P3H4: variants seen among roughly 807,000 people sequenced by gnomAD.
The protein encoded by P3H4 is prolyl 3-hydroxylase family member 4 (inactive).
A neutral mutation model predicts 52.9 loss-of-function variants in P3H4; 47 were observed. The ratio of observed to expected loss-of-function variants is 0.89; its 90% CI spans 0.70 to 1.13. The LOEUF (loss-of-function observed/expected upper bound fraction) is 1.13. Among genes scored for constraint, P3H4 ranks in the 50% most tolerant of loss-of-function variants. The pLI is 0.00. For missense variants in P3H4, 585 were observed against 611.0 expected, an observed-to-expected ratio of 0.96 and a Z score of 0.45; for synonymous variants, 256 against 267.9, an observed-to-expected ratio of 0.96 and a Z score of 0.44.
Position 41,811,514 on chromosome 17 carries a change from C to T in P3H4, c.402G>A (p.Gln134=). The T allele has an allele frequency of 2.5e-6, 4 of 1,611,834 alleles. No individual in the cohort carries two copies. The highest frequency in any genetic ancestry group is 3.4e-6 in the Non-Finnish European group (4 of 1,179,636). ...GGCGGCTCTGGAAGTCACGCAGCAG[C>T]TGCCGCGGCGGGTAGGGCACCTGGA... ...PAFQVPYPPR[Q]LLRDFQSRLP... The change falls in exon 1 of 8, where the codon CAG becomes CAA. Residue 134 remains glutamine, a synonymous_variant. Coordinates refer to ENST00000393928, the MANE Select transcript of P3H4 (RefSeq NM_006455.3). The surrounding 1 kb of genome is among the most constrained non-coding windows in gnomAD (Gnocchi z 4.8).
chr17:41,811,735 C>T lies in P3H4; in HGVS notation c.181G>A (p.Ala61Thr). 5 of 1,516,790 alleles carry T rather than the reference C, an allele frequency of 3.3e-6. No homozygotes were observed. Among genetic ancestry groups the T allele is most frequent in the Non-Finnish European group, 4.4e-6 (5 of 1,144,402 alleles). The allele number at this position is 1,516,790 out of a possible 1,614,324, so 94.0% of individuals were successfully genotyped here. A position where few individuals can be genotyped will look rare whatever the true frequency, so the allele number is the denominator to read the frequency against. Reference protein sequence around the residue: ...SWRESARYLEAALRLHRLLRD... With the variant: ...SWRESARYLETALRLHRLLRD... ...AGGAGCCGGTGCAGCCGCAGCGCCGCCTCCAGGTAGCGCGCGCTCTCGCGC... is the reference window on the plus strand; with the variant it reads ...AGGAGCCGGTGCAGCCGCAGCGCCGTCTCCAGGTAGCGCGCGCTCTCGCGC... The change falls in exon 1 of 8, where the codon GCG becomes ACG. Residue 61 changes from alanine to threonine, a missense_variant. Ala to Thr is a moderately conservative substitution (Grantham distance 58). Transcript: ENST00000393928. This position sits in a 1 kb window ranked among gnomAD's most constrained non-coding sequence, Gnocchi z 4.8.
chr17:41,803,203 T>C (rs2047636352), intron 7 of P3H4, 84 bp downstream of exon 7: 1 of 1,539,092 alleles, frequency 6.5e-7, no homozygotes, highest in Non-Finnish European at 8.8e-7. Context: ...CACCCTGGGC[T>C]CCGGAGCCCA....
chr17:41,809,602 C>A, intron 4 of P3H4, 104 bp downstream of exon 4: 1 of 1,381,460 alleles, frequency 7.2e-7, no homozygotes, highest in Non-Finnish European at 9.9e-7. Context: ...ACCCAGGGTC[C>A]TCAATACTGA....
rs1334706796 is a variant in P3H4 at position 41,802,820 on chromosome 17, G to A, written c.*137C>T. The A allele has an allele frequency of 3.4e-6, 3 of 881,314 alleles. No homozygotes were observed. The highest frequency in any genetic ancestry group is 5.3e-6 in the Non-Finnish European group (3 of 565,914). 54.6% of individuals were successfully genotyped at this position (881,314 alleles called of 1,614,324 possible). A position where few individuals can be genotyped will look rare whatever the true frequency, so the allele number is the denominator to read the frequency against. ...ACCCACCTTGGCCTCCCAAAATGCT[G>A]GGATTACAGGTGTGAGCCACCGCAC... On this transcript the variant is annotated 3_prime_UTR_variant, in exon 8 of 8. Transcript: ENST00000393928.
In P3H4 at chr17:41,810,783, C is replaced by T. The variant is rs1597898700; in HGVS notation, c.787+80G>A. On this transcript the variant is annotated intron_variant, in intron 3 of 7. Coordinates refer to ENST00000393928, the MANE Select transcript of P3H4 (RefSeq NM_006455.3). The stretch of plus-strand genomic sequence containing the variant: ...CTGGCTCCTCCGCATTCGCAGTGCT[C>T]CACGTGCATGAAGGGGACATCTGCC... 2.6e-6 allele frequency: 4 copies of T among 1,510,992 alleles called. No homozygotes were observed. The East Asian group carries it at 9.2e-5, about 35-fold the overall frequency. The allele number at this position is 1,510,992 out of a possible 1,614,324, so 93.6% of individuals were successfully genotyped here. A position where few individuals can be genotyped will look rare whatever the true frequency, so the allele number is the denominator to read the frequency against.
intron 6 of P3H4, 62 bp downstream of exon 6, chr17:41,806,734 C>T (rs2047677669): frequency 1.4e-6 from 2 of 1,413,310 alleles, no homozygotes; most frequent in Non-Finnish European, 2.0e-6. Flanking sequence ...CACTGGTGGC[C>T]CCAGGAAAAG....
Position 41,802,396 on chromosome 17 carries a change from C to T in P3H4, c.*561G>A, listed in dbSNP as rs2144006112. On this transcript the variant is annotated 3_prime_UTR_variant, in exon 8 of 8. Coordinates refer to ENST00000393928, the MANE Select transcript of P3H4 (RefSeq NM_006455.3). The stretch of plus-strand genomic sequence containing the variant: ...GGTTCAGGCGATTCTCCTGCCTCAG[C>T]TACGATTACAGGTGTGTGCCACCAT... 1 of 152,568 alleles carries T rather than the reference C, an allele frequency of 6.6e-6. No homozygotes were observed. The highest frequency in any genetic ancestry group is 3.3e-3 in the Middle Eastern group (1 of 300). 9.5% of individuals were successfully genotyped at this position (152,568 alleles called of 1,614,324 possible).
At chr17:41,809,238 T>C (rs1597897434) in intron 4 of P3H4, among the ~76,000 whole-genome samples, 3 of 152,122 alleles carry the variant, frequency 2.0e-5, no homozygotes, top group Admixed American at 2.0e-4. Context: ...CTGGCCAACA[T>C]GGTGAAACCC....
chr17:41,803,606 C>T (rs1555613818), intron 6 of P3H4, among the ~76,000 whole-genome samples, 175 bp from the exon 7 acceptor site: 1 of 146,562 alleles, frequency 6.8e-6, no homozygotes, highest in African/African-American at 2.5e-5. Flanking sequence ...CAAACTGCCC[C>T]TCCCTGAGTG....
At position 41,802,713 on chromosome 17, in the gene P3H4, G is replaced by A. The variant is rs782174533; in HGVS notation, c.*244C>T. The stretch of plus-strand genomic sequence containing the variant: ...ATTTCAGGCGCCTGCCACCACACCC[G>A]GCTAATTTATGTATTTTAGTAGAGA... On this transcript the variant is annotated 3_prime_UTR_variant, in exon 8 of 8. Transcript: ENST00000393928. 32 of 427,986 alleles carry A rather than the reference G, an allele frequency of 7.5e-5. No homozygotes were observed. The highest frequency in any genetic ancestry group is 5.8e-5 in the Non-Finnish European group (14 of 242,876). The allele number at this position is 427,986 out of a possible 1,614,324, so 26.5% of individuals were successfully genotyped here.
Position 41,811,463 on chromosome 17 carries a change from C to T in P3H4, c.453G>A (p.Ala151=), listed in dbSNP as rs1555615135. The T allele has an allele frequency of 6.2e-7, 1 of 1,612,270 alleles. No individual in the cohort carries two copies. The highest frequency in any genetic ancestry group is 1.1e-5 in the South Asian group (1 of 91,048). Residue 151 remains alanine (A), a synonymous_variant, in exon 1 of 8, where the codon GCG becomes GCA. Transcript: ENST00000393928. The surrounding 1 kb of genome is among the most constrained non-coding windows in gnomAD (Gnocchi z 4.8). ...GGGGGCGGGCTCCCACCTTGAACAGCGCGTAGTGCAGGTACTGGTAGGGCA... is the reference window on the plus strand; with the variant it reads ...GGGGGCGGGCTCCCACCTTGAACAGTGCGTAGTGCAGGTACTGGTAGGGCA... ...SRLPYQYLHY[A]LFKANRLEKA... is the part of the protein sequence containing the mutation.
chr17:41,807,266 G>A (rs1432393038), intron 5 of P3H4: 1 of 275,312 alleles, frequency 3.6e-6, no homozygotes, highest in Non-Finnish European at 7.0e-6. Context: ...GAGCAGGTAG[G>A]AGTGGATGTG....
chr17:41,804,414 T>C (rs535193131), intron 6 of P3H4, among the ~76,000 whole-genome samples: 6 of 151,874 alleles, frequency 4.0e-5, no homozygotes, highest in Non-Finnish European at 8.8e-5. Context: ...TCATTTGAGG[T>C]CAGGAGTTCA....
In P3H4 at chr17:41,802,766, G is replaced by C. The variant is rs2047631196; in HGVS notation, c.*191C>G. The C allele has an allele frequency of 1.7e-6, 1 of 575,330 alleles. No individual in the cohort carries two copies. The highest frequency in any genetic ancestry group is 3.0e-6 in the Non-Finnish European group (1 of 329,462). The allele number at this position is 575,330 out of a possible 1,614,324, so 35.6% of individuals were successfully genotyped here. A position where few individuals can be genotyped will look rare whatever the true frequency, so the allele number is the denominator to read the frequency against. On this transcript the variant is annotated 3_prime_UTR_variant, in exon 8 of 8. Coordinates refer to ENST00000393928, the MANE Select transcript of P3H4 (RefSeq NM_006455.3). ...GAGGTCTCATCATGTTGGCCAGGCT[G>C]GTCTTGAACTCCTGGCCTCAAGTGA...
intron 6 of P3H4, 65 bp from the exon 7 acceptor site, chr17:41,803,496 C>G (rs1296834666): frequency 5.5e-6 from 8 of 1,457,980 alleles, no homozygotes; most frequent in Admixed American, 1.9e-5. Flanking sequence ...TATGGGCTCC[C>G]TTCCTGGCCA....
rs371580332 is a variant in P3H4, at chr17:41,811,278, G to C, written c.469C>G (p.Arg157Gly). 1.2e-6 allele frequency: 2 copies of C among 1,612,954 alleles called. No homozygotes were observed. The highest frequency in any genetic ancestry group is 1.7e-6 in the Non-Finnish European group (2 of 1,179,970). ...GCCGCCGCCACCGCCTTCTCCAGCC[G>C]GTTAGCCTGGTCGGGGGGTAGGGGG... ...YLHYALFKAN[R>G]LEKAVAAAYT... Residue 157 changes from arginine (R) to glycine (G), a missense_variant, in exon 2 of 8, where the codon CGG becomes GGG. Transcript: ENST00000393928. The surrounding 1 kb of genome is among the most constrained non-coding windows in gnomAD (Gnocchi z 4.8).
chr17:41,811,387 C>A lies in P3H4; in HGVS notation c.462+67G>T. ...GCCTTGGGTGAAGATAACGCTCCTT[C>A]GACCGATCTGTGGGGAGCCACGACG... On this transcript the variant is annotated intron_variant, in intron 1 of 7. Coordinates refer to ENST00000393928, the MANE Select transcript of P3H4 (RefSeq NM_006455.3). The surrounding 1 kb of genome is among the most constrained non-coding windows in gnomAD (Gnocchi z 4.8). 6.2e-7 allele frequency: 1 copy of A among 1,606,660 alleles called. No individual in the cohort carries two copies. Among genetic ancestry groups the A allele is most frequent in the Non-Finnish European group, 8.5e-7 (1 of 1,175,514 alleles).
At chr17:41,803,001 A>T in intron 7 of P3H4, 22 bp from the exon 8 acceptor site, 1 of 1,609,244 alleles carries the variant, frequency 6.2e-7, no homozygotes, top group Non-Finnish European at 8.5e-7. Context: ...AGGAGAAAGC[A>T]CTGGGGTTGC....
Position 41,807,803 on chromosome 17 carries a change from GAGTTCATTTTTTACAA to G in P3H4, c.1062+40_1062+55del, listed in dbSNP as rs375773326. The G allele has an allele frequency of 6.2e-5, 98 of 1,572,458 alleles. No homozygotes were observed. The African/African-American group carries it at 1.1e-3, about 17-fold the overall frequency. The stretch of plus-strand genomic sequence containing the variant: ...ATGAGCCACCGCGCCCGGCCGCCAG[GAGTTCATTTTTTACAA>G]AGTGCATATCCAGCAAGTGCCCCAG... On this transcript the variant is annotated intron_variant, in intron 5 of 7. Coordinates refer to ENST00000393928, the MANE Select transcript of P3H4 (RefSeq NM_006455.3).
Sources: allele counts gnomAD v4.1 joint callset (sites outside exome capture counted in the v4.1 genomes callset), GRCh38; gene constraint gnomAD v4.1.1; non-coding constraint Gnocchi (gnomAD v3.1); transcripts MANE v1.5; gene names NCBI Gene and HGNC (gene_info 2026-07-23, HGNC 2026-07-21).